Variants in CDCP1 observed in about 807,000 individuals in gnomAD.
The protein encoded by CDCP1 is CUB domain-containing protein 1.
CDCP1 carries 29 observed loss-of-function variants against 60.2 expected under a neutral mutation model. The ratio of observed to expected loss-of-function variants is 0.48; its 90% CI spans 0.36 to 0.66. CDCP1 has a LOEUF of 0.66. CDCP1 is among the 30% of genes least tolerant of loss of function. The pLI, the probability that CDCP1 is intolerant of heterozygous loss-of-function variation, is 0.00. For synonymous variants in CDCP1, 387 were observed against 431.1 expected (o/e 0.90, Z 1.27); for missense variants, 876 against 1,074.3 (o/e 0.82, Z 2.58).
intron 1 of CDCP1, among the ~76,000 whole-genome samples, chr3:45,122,106 C>A (rs1420665535): frequency 6.7e-6 from 1 of 150,096 alleles, no homozygotes; most frequent in East Asian, 2.0e-4. Flanking sequence ...GCAAGGTATT[C>A]TTTTATAATG....
chr3:45,117,396 T>C (rs1219304159), intron 2 of CDCP1, among the ~76,000 whole-genome samples: 2 of 152,200 alleles, frequency 1.3e-5, no homozygotes, highest in Non-Finnish European at 2.9e-5. Context: ...AACTCTCTTG[T>C]TTGGTACAAT....
In CDCP1 at chr3:45,095,479, G is replaced by A; in HGVS notation, c.1114C>T (p.Pro372Ser). Reference protein sequence around the residue: ...RPVKQSRKFVPGCFVCLESRT... With the variant: ...RPVKQSRKFVSGCFVCLESRT... ...GATTCTAGACACACGAAACAGCCAG[G>A]GACAAACTTGCGGCTCTGTTTGACG... is the stretch of plus-strand genomic sequence containing the variant. Residue 372 changes from proline (P) to serine (S), a missense_variant, in exon 5 of 9, where the codon CCT becomes TCT. Pro to Ser is a moderately conservative substitution (Grantham distance 74). Around this residue, in one of 2 missense-constraint regions of CDCP1, gnomAD observed 726 missense variants for 935.7 expected, o/e 0.78. Transcript: ENST00000296129. The A allele has an allele frequency of 6.2e-7, 1 of 1,614,164 alleles. No homozygotes were observed. The highest frequency in any genetic ancestry group is 8.5e-7 in the Non-Finnish European group (1 of 1,180,030).
chr3:45,105,764 C>T (rs1234775312), intron 4 of CDCP1, among the ~76,000 whole-genome samples: 2 of 152,136 alleles, frequency 1.3e-5, no homozygotes, highest in Non-Finnish European at 2.9e-5. Context: ...CCACTTGAAC[C>T]TTTAGAAATT....
rs563144470 is a variant in CDCP1, at chr3:45,102,504, G to C, written c.1025-6936C>G. On this transcript the variant is annotated intron_variant, in intron 4 of 8. Coordinates refer to ENST00000296129, the MANE Select transcript of CDCP1 (RefSeq NM_022842.5). ...AACCTTTCGATATATATCTTCCCTT[G>C]GTTAAAAAGAAAATTATTTGCTGGG... Among the ~76,000 whole-genome samples, 219 of 151,142 alleles carry C rather than the reference G, an allele frequency of 1.4e-3. 6 individuals carry two copies. The South Asian group carries it at 0.044, about 30-fold the overall frequency.
intron 1 of CDCP1, among the ~76,000 whole-genome samples, chr3:45,120,481 A>T (rs1343378882): frequency 5.3e-5 from 8 of 152,178 alleles, no homozygotes; most frequent in Non-Finnish European, 1.2e-4. Flanking sequence ...GTGGGGCTAG[A>T]ATAACTCTAC....
intron 4 of CDCP1, among the ~76,000 whole-genome samples, chr3:45,107,707 A>G (rs1455581819): frequency 2.0e-5 from 3 of 152,218 alleles, no homozygotes; most frequent in Non-Finnish European, 2.9e-5. Flanking sequence ...CCATGGTCAA[A>G]GTAAGTGGGG....
chr3:45,142,224 C>G (rs1038922006), intron 1 of CDCP1, among the ~76,000 whole-genome samples: 13 of 152,142 alleles, frequency 8.5e-5, no homozygotes, highest in Admixed American at 8.5e-4. Context: ...GTCCCACCCA[C>G]CCTGACCTCA....
chr3:45,095,610 C>G (rs1698385572), intron 4 of CDCP1, 42 bp from the exon 5 acceptor site: 1 of 1,581,654 alleles, frequency 6.3e-7, no homozygotes, highest in African/African-American at 1.3e-5. Flanking sequence ...CATGGATCAG[C>G]AGCAACACGG....
rs193220776 is a variant in CDCP1 at position 45,134,846 on chromosome 3, A to G, written c.82+11360T>C. Among the ~76,000 whole-genome samples, 58 of 152,308 alleles carry G rather than the reference A, an allele frequency of 3.8e-4. 1 individual carries two copies. The highest frequency in any genetic ancestry group is 1.3e-3 in the African/African-American group (56 of 41,562). On this transcript the variant is annotated intron_variant, in intron 1 of 8. Transcript: ENST00000296129. ...GGGCCCAGGGCAGCTTCCAGGAGGT[A>G]TTATGTCAATGAGGATGTCCATTAC...
chr3:45,099,218 ATCTTGTAGGTCTAAAAATG>A (rs1698451679), intron 4 of CDCP1, among the ~76,000 whole-genome samples: 1 of 150,290 alleles, frequency 6.7e-6, no homozygotes, highest in East Asian at 1.9e-4. Flanking sequence ...ATTTTTTTAG[ATCTTGTAGGTCTAAAAATG>A]TCTTTATTCC....
At chr3:45,142,317 C>T (rs984772678) in intron 1 of CDCP1, among the ~76,000 whole-genome samples, 7 of 152,106 alleles carry the variant, frequency 4.6e-5, no homozygotes, top group African/African-American at 7.2e-5. Flanking sequence ...AGGTCAGCAC[C>T]GCTAGGCAAA....
At position 45,089,160 on chromosome 3, in the gene CDCP1, A is replaced by G. The variant is rs1303279060; in HGVS notation, c.1994-19T>C. The G allele has an allele frequency of 6.2e-7, 1 of 1,608,874 alleles. No individual in the cohort carries two copies. The highest frequency in any genetic ancestry group is 1.1e-5 in the South Asian group (1 of 90,808). ...GTCAAGTCTGTGAGCAGAGACATAA[A>G]GAGACAGATGAAGAGGCAGCTGGGG... On this transcript the variant is annotated intron_variant, in intron 7 of 8. Transcript: ENST00000296129.
At position 45,096,390 on chromosome 3, in the gene CDCP1, C is replaced by T. The variant is rs71325050; in HGVS notation, c.1025-822G>A. On this transcript the variant is annotated intron_variant, in intron 4 of 8. Transcript: ENST00000296129. ...TTGTAATCCTAGCACTTTGGGAGGC[C>T]GAGGCGGGCAGATCACCTGAGGTCA... is the stretch of plus-strand genomic sequence containing the variant. Among the ~76,000 whole-genome samples the T allele has an allele frequency of 3.2e-3, 483 of 151,988 alleles. 2 individuals are homozygous for T. The highest frequency in any genetic ancestry group is 6.8e-3 in the Middle Eastern group (2 of 294).
intron 1 of CDCP1, among the ~76,000 whole-genome samples, chr3:45,130,186 A>G (rs1699064115): frequency 6.6e-6 from 1 of 150,484 alleles, no homozygotes; most frequent in African/African-American, 2.5e-5. Context: ...CAGTGGTGTG[A>G]TCTTGGCTCA....
chr3:45,082,896 G>A lies in CDCP1; in HGVS notation c.*2742C>T, dbSNP rs542589675. The A allele has an allele frequency of 4.6e-5, 7 of 152,362 alleles. No homozygotes were observed. Among genetic ancestry groups the A allele is most frequent in the Admixed American group, 2.0e-4 (3 of 15,304 alleles). The allele number at this position is 152,362 out of a possible 1,614,324, so 9.4% of individuals were successfully genotyped here. A position where few individuals can be genotyped will look rare whatever the true frequency, so the allele number is the denominator to read the frequency against. ...CTGGGCTTTAAAGAAAAGAGCCAGG[G>A]TTCCTCAGGCTGGGCCCCTTCACTG... On this transcript the variant is annotated 3_prime_UTR_variant, in exon 9 of 9. Transcript: ENST00000296129.
intron 4 of CDCP1, among the ~76,000 whole-genome samples, chr3:45,106,713 T>A (rs184649597): frequency 4.6e-5 from 7 of 152,250 alleles, no homozygotes; most frequent in African/African-American, 1.7e-4. Flanking sequence ...GTGGCTTTGG[T>A]CTGGGTAGTT....
At chr3:45,104,279 C>T (rs1042566988) in intron 4 of CDCP1, among the ~76,000 whole-genome samples, 24 of 152,216 alleles carry the variant, frequency 1.6e-4, no homozygotes, top group Non-Finnish European at 3.1e-4. Context: ...CTTCATTCCA[C>T]TTTCTATTTT....
chr3:45,089,081 C>A lies in CDCP1; in HGVS notation c.2054G>T (p.Gly685Val). The change falls in exon 8 of 9, where the codon GGG becomes GTG. Residue 685 changes from glycine to valine, a missense_variant. By Grantham distance (109) the Gly-to-Val change is moderately radical. Around this residue, in one of 2 missense-constraint regions of CDCP1, gnomAD observed 726 missense variants for 935.7 expected, o/e 0.78. Transcript: ENST00000296129. Reference protein sequence around the residue: ...GGGVLLLSALGLIICCVKKKK... With the variant: ...GGGVLLLSALVLIICCVKKKK... The stretch of plus-strand genomic sequence containing the variant: ...CTTTTTCACACAGCAAATGATGAGC[C>A]CGAGGGCAGACAGCAGTAAGACTCC... The A allele has an allele frequency of 6.2e-7, 1 of 1,613,898 alleles. No individual in the cohort carries two copies. Among genetic ancestry groups the A allele is most frequent in the Non-Finnish European group, 8.5e-7 (1 of 1,179,962 alleles).
rs1047956880 is a variant in CDCP1, at chr3:45,085,577, C to T, written c.*61G>A. 1.5e-5 allele frequency: 23 copies of T among 1,498,316 alleles called. No homozygotes were observed. Among genetic ancestry groups the T allele is most frequent in the East Asian group, 4.5e-5 (2 of 43,980 alleles). 92.8% of individuals were successfully genotyped at this position (1,498,316 alleles called of 1,614,324 possible). A position where few individuals can be genotyped will look rare whatever the true frequency, so the allele number is the denominator to read the frequency against. On this transcript the variant is annotated 3_prime_UTR_variant, in exon 9 of 9. Transcript: ENST00000296129. The surrounding 1 kb of genome is among the most constrained non-coding windows in gnomAD (Gnocchi z 4.2). The stretch of plus-strand genomic sequence containing the variant: ...TCTTTAGGATTTCTGGTTAGGAACA[C>T]GGACGGGTGTCTCAGTGCCCTGCTT...
Sources: gnomAD v4.1 joint callset for allele counts (sites outside exome capture counted in the v4.1 genomes callset) on GRCh38, gnomAD v4.1.1 for gene constraint, gnomAD v4.1.1 regional missense constraint, Gnocchi (gnomAD v3.1) non-coding constraint, MANE v1.5 for transcripts, NCBI Gene and HGNC (gene_info 2026-07-23, HGNC 2026-07-21) for gene names.